Variants in USP47 observed in about 807,000 individuals in gnomAD.
The protein encoded by USP47 is ubiquitin carboxyl-terminal hydrolase 47.
A neutral mutation model predicts 165.1 loss-of-function variants in USP47; 35 were observed. The ratio of observed to expected loss-of-function variants is 0.21; its 90% CI spans 0.16 to 0.28. The LOEUF is 0.28. Ranked by LOEUF, USP47 falls within the 10% of genes least tolerant of loss-of-function variation. The pLI is 1.00. For missense variants in USP47, 1,277 were observed against 1,607.4 expected (o/e 0.79, Z 3.52); for synonymous variants, 531 against 544.5 (o/e 0.98, Z 0.35).
intron 1 of USP47, among the ~76,000 whole-genome samples, chr11:11,879,259 A>G (rs959292957): frequency 6.6e-6 from 1 of 152,104 alleles, no homozygotes; most frequent in Non-Finnish European, 1.5e-5. Context: ...GGTAGAATTG[A>G]TAGGTTTTGG....
chr11:11,874,299 A>G (rs1405952729), intron 1 of USP47, among the ~76,000 whole-genome samples: 1 of 152,122 alleles, frequency 6.6e-6, no homozygotes. Flanking sequence ...TTTACTTAAT[A>G]CTTGATTTTC....
intron 1 of USP47, among the ~76,000 whole-genome samples, chr11:11,845,997 TC>T (rs1848406687): frequency 6.6e-6 from 1 of 152,194 alleles, no homozygotes. Flanking sequence ...AGTCTGAGCT[TC>T]CTCAGTTCTT....
chr11:11,920,435 G>A lies in USP47; in HGVS notation c.1159G>A (p.Asp387Asn). The change falls in exon 10 of 28, where the codon GAT becomes AAT. Residue 387 changes from aspartate to asparagine, a missense_variant. This residue lies in a region of USP47 where 175 missense variants were observed against 295.8 expected (regional missense o/e 0.59). Transcript: ENST00000527733. ...YTTMHRIKLN[D>N]RMTFPEELDM... ...AACCATGCATAGGATTAAACTGAAT[G>A]ATCGAATGACATTTCCCGAGGAACT... The A allele has an allele frequency of 6.2e-7, 1 of 1,610,888 alleles. No individual in the cohort carries two copies. Among genetic ancestry groups the A allele is most frequent in the Admixed American group, 1.7e-5 (1 of 59,706 alleles).
chr11:11,911,376 AT>A (rs1852970311), intron 8 of USP47, among the ~76,000 whole-genome samples: 1 of 152,202 alleles, frequency 6.6e-6, no homozygotes, highest in Non-Finnish European at 1.5e-5. Flanking sequence ...AATGTTCCAA[AT>A]TTAGCAAAAG....
intron 8 of USP47, among the ~76,000 whole-genome samples, chr11:11,907,911 C>T (rs1411248643): frequency 1.3e-5 from 2 of 152,046 alleles, no homozygotes; most frequent in East Asian, 3.9e-4. Flanking sequence ...GTCTGACAAA[C>T]ATGATGAAAC....
intron 2 of USP47, among the ~76,000 whole-genome samples, chr11:11,884,118 A>G (rs992924507): frequency 3.9e-5 from 6 of 152,190 alleles, no homozygotes; most frequent in Non-Finnish European, 7.3e-5. Context: ...TTGAAACCCC[A>G]TTAAATATCA....
chr11:11,881,910 A>C (rs1850857362), intron 2 of USP47, among the ~76,000 whole-genome samples: 1 of 152,034 alleles, frequency 6.6e-6, no homozygotes, highest in Admixed American at 6.6e-5. Context: ...AATTTTGGGG[A>C]GACATAAACA....
At position 11,856,641 on chromosome 11, in the gene USP47, G is replaced by A. The variant is rs1319574529; in HGVS notation, c.39+14417G>A. On this transcript the variant is annotated intron_variant, in intron 1 of 27. Transcript: ENST00000527733. Reference sequence around the variant, plus strand: ...GGCTGCACTCTGGAAGTATAGATCTGTTTTGAAGTTCTCACAACTGATGCT... The same window carrying A: ...GGCTGCACTCTGGAAGTATAGATCTATTTTGAAGTTCTCACAACTGATGCT... The A allele has an allele frequency of 2.6e-5, 4 of 152,272 alleles. No homozygotes were observed. In the East Asian group the frequency reaches 7.7e-4, roughly 29 times the overall value. 9.4% of individuals were successfully genotyped at this position (152,272 alleles called of 1,614,324 possible). A position where few individuals can be genotyped will look rare whatever the true frequency, so the allele number is the denominator to read the frequency against.
intron 18 of USP47, 47 bp downstream of exon 18, chr11:11,938,419 T>C (rs1269149327): frequency 2.9e-6 from 4 of 1,374,796 alleles, no homozygotes; most frequent in Non-Finnish European, 2.1e-6. Flanking sequence ...GAGCCTGCTA[T>C]GTACAAGACA....
At chr11:11,940,342 C>A in intron 18 of USP47, 87 bp from the exon 19 acceptor site, 1 of 1,346,632 alleles carries the variant, frequency 7.4e-7, no homozygotes, top group Non-Finnish European at 1.0e-6. Context: ...TTAAGAAGAA[C>A]TCAGCAGTGT....
intron 8 of USP47, among the ~76,000 whole-genome samples, chr11:11,910,553 A>G (rs984197145): frequency 2.6e-5 from 4 of 151,974 alleles, no homozygotes; most frequent in African/African-American, 9.7e-5. Context: ...TAAAGAGGCG[A>G]GCCCCTCCTG....
chr11:11,859,956 T>C (rs1849279869), intron 1 of USP47, among the ~76,000 whole-genome samples: 1 of 151,706 alleles, frequency 6.6e-6, no homozygotes, highest in African/African-American at 2.4e-5. Context: ...ATACAAAAAT[T>C]AGCTGGGAGT....
At chr11:11,916,045 A>G (rs1288257521) in intron 8 of USP47, among the ~76,000 whole-genome samples, 4 of 152,186 alleles carry the variant, frequency 2.6e-5, no homozygotes, top group African/African-American at 9.6e-5. Flanking sequence ...CTGTGCCTGG[A>G]TTATTTGCAT....
At position 11,949,969 on chromosome 11, in the gene USP47, CAG is replaced by C; in HGVS notation, c.3430_3431del (p.Arg1144GlyfsTer10). 6.2e-7 allele frequency: 1 copy of C among 1,612,728 alleles called. No individual in the cohort carries two copies. Among genetic ancestry groups the C allele is most frequent in the Non-Finnish European group, 8.5e-7 (1 of 1,179,206 alleles). ...QSKEELIPQL[R>X]EQCGLELSID... ...CAAAAGAGGAATTAATTCCTCAGCT[CAG>C]GGAGCAATGTGGTTTAGAGCTCAGT... On this transcript the variant is annotated frameshift_variant, in exon 23 of 28. Coordinates refer to ENST00000527733, the MANE Select transcript of USP47 (RefSeq NM_001282659.2). LOFTEE classifies it high-confidence loss of function.
rs1052595171 is a variant in USP47, at chr11:11,920,470, T to C, written c.1194T>C (p.Ser398=). Residue 398 remains serine, a synonymous_variant, in exon 10 of 28, where the codon AGT becomes AGC. Coordinates refer to ENST00000527733, the MANE Select transcript of USP47 (RefSeq NM_001282659.2). ...CATTTCCCGAGGAACTAGATATGAGTACTTTTATTGATGTTGAAGATGAGG... is the reference window on the plus strand; with the variant it reads ...CATTTCCCGAGGAACTAGATATGAGCACTTTTATTGATGTTGAAGATGAGG... ...RMTFPEELDM[S]TFIDVEDEKS... is the part of the protein sequence containing the mutation. 2.5e-6 allele frequency: 4 copies of C among 1,608,304 alleles called. No homozygotes were observed. In the Admixed American group the frequency reaches 6.8e-5, roughly 27 times the overall value.
At chr11:11,895,728 C>T (rs1851805334) in intron 4 of USP47, among the ~76,000 whole-genome samples, 1 of 151,818 alleles carries the variant, frequency 6.6e-6, no homozygotes, top group Admixed American at 6.6e-5. Context: ...AAACTAAATC[C>T]ATGATACCTG....
chr11:11,885,803 A>G lies in USP47; in HGVS notation c.357+1223A>G, dbSNP rs78907683. ...CCCACTGGCTTGGAATTGGCTCCCA[A>G]CGGGTTTTCAGCAACTTCCTGCAGG... On this transcript the variant is annotated intron_variant, in intron 3 of 27. Coordinates refer to ENST00000527733, the MANE Select transcript of USP47 (RefSeq NM_001282659.2). Among the ~76,000 whole-genome samples, 681 of 152,298 alleles carry G rather than the reference A, an allele frequency of 4.5e-3. 4 individuals carry two copies. Among genetic ancestry groups the G allele is most frequent in the African/African-American group, 0.014 (585 of 41,554 alleles).
chr11:11,859,841 C>T (rs968196309), intron 1 of USP47, among the ~76,000 whole-genome samples: 4 of 152,140 alleles, frequency 2.6e-5, no homozygotes, highest in African/African-American at 7.2e-5. Context: ...CCGTGGCTCA[C>T]GCCTGTAATC....
intron 3 of USP47, among the ~76,000 whole-genome samples, chr11:11,886,450 C>T (rs1851170326): frequency 6.6e-6 from 1 of 152,050 alleles, no homozygotes; most frequent in Non-Finnish European, 1.5e-5. Context: ...AGTGCAATGA[C>T]AAGTATCAAT....
Sources: gnomAD v4.1 joint callset for allele counts (sites outside exome capture counted in the v4.1 genomes callset) on GRCh38, gnomAD v4.1.1 for gene constraint, gnomAD v4.1.1 regional missense constraint, MANE v1.5 for transcripts, NCBI Gene and HGNC (gene_info 2026-07-23, HGNC 2026-07-21) for gene names.